The following RUVBL1 variants were observed in gnomAD, a reference collection of about 807,000 sequenced individuals.
The protein encoded by RUVBL1 is ruvB-like 1.
Under a neutral mutation model 52.4 loss-of-function variants are expected in RUVBL1, and 4 were observed. The observed-to-expected ratio is 0.08, with a 90% CI of 0.04 to 0.17. RUVBL1 has a LOEUF of 0.17. Among genes scored for constraint, RUVBL1 ranks in the 10% least tolerant of loss-of-function variants. The probability of loss-of-function intolerance (pLI) is 1.00; values close to 1 mark genes in which losing one functional copy is unlikely to be tolerated. For missense variants in RUVBL1, 298 were observed against 572.8 expected, an observed-to-expected ratio of 0.52 and a Z score of 4.90; for synonymous variants, 217 against 214.4, an observed-to-expected ratio of 1.01 and a Z score of -0.10.
At chr3:128,147,198 T>C (rs1944119058) in intron 1 of RUVBL1, among the ~76,000 whole-genome samples, 1 of 152,072 alleles carries the variant, frequency 6.6e-6, no homozygotes, top group Admixed American at 6.6e-5. Context: ...GCCTCTTGAG[T>C]AGCTGAGACC....
chr3:128,152,059 C>A (rs1944226578), intron 1 of RUVBL1, among the ~76,000 whole-genome samples: 1 of 152,202 alleles, frequency 6.6e-6, no homozygotes, highest in African/African-American at 2.4e-5. Flanking sequence ...TCTCCCAGGT[C>A]CCCACCACTC....
At chr3:128,105,493 TTGTC>T (rs1356390422) in intron 3 of RUVBL1, among the ~76,000 whole-genome samples, 3 of 152,166 alleles carry the variant, frequency 2.0e-5, no homozygotes, top group Non-Finnish European at 4.4e-5. Flanking sequence ...ATTCTTAAAA[TTGTC>T]TGCTTCATTT....
intron 6 of RUVBL1, 125 bp downstream of exon 6, chr3:128,100,470 C>T: frequency 8.7e-7 from 1 of 1,143,518 alleles, no homozygotes; most frequent in Non-Finnish European, 1.2e-6. Flanking sequence ...AATTGCTGAA[C>T]ATTACAGATA....
At chr3:128,086,112 T>G (rs1219822726) in intron 9 of RUVBL1, among the ~76,000 whole-genome samples, 1 of 152,092 alleles carries the variant, frequency 6.6e-6, no homozygotes, top group African/African-American at 2.4e-5. Flanking sequence ...TCCTCTCACC[T>G]CAGCCTCCCA....
chr3:128,088,222 A>G (rs1003994280), intron 8 of RUVBL1, among the ~76,000 whole-genome samples: 10 of 151,082 alleles, frequency 6.6e-5, no homozygotes, highest in South Asian at 4.2e-4. Context: ...AGAGTGTACC[A>G]CTGCACTCCA....
At chr3:128,098,993 C>T (rs1359063914) in intron 6 of RUVBL1, 48 bp from the exon 7 acceptor site, 5 of 1,498,506 alleles carry the variant, frequency 3.3e-6, no homozygotes, top group Non-Finnish European at 2.8e-6. Context: ...AAGGTGACTA[C>T]AGAAGCCTCA....
At chr3:128,094,153 G>A (rs1450614687) in intron 8 of RUVBL1, among the ~76,000 whole-genome samples, 1 of 152,196 alleles carries the variant, frequency 6.6e-6, no homozygotes, top group Non-Finnish European at 1.5e-5. Flanking sequence ...TGATGAGGAT[G>A]GTAAGATTCA....
chr3:128,098,238 CG>C (rs35800708), intron 7 of RUVBL1, among the ~76,000 whole-genome samples: 2 of 152,148 alleles, frequency 1.3e-5, no homozygotes, highest in East Asian at 3.9e-4. Context: ...AGGCAAGAGG[CG>C]GGGATTGTCC....
chr3:128,065,095 C>A, exon 10 of RUVBL1: 1 of 1,556,772 alleles, frequency 6.4e-7, no homozygotes, highest in Non-Finnish European at 8.9e-7. Flanking sequence ...TTTCAGAATG[C>A]CTTGTGTGCA....
chr3:128,153,841 C>A, exon 1 of RUVBL1: 1 of 1,492,970 alleles, frequency 6.7e-7, no homozygotes, highest in Non-Finnish European at 8.9e-7. Flanking sequence ...CGGGCCGGGG[C>A]GGGAGCCGGG....
chr3:128,081,512 G>A lies in RUVBL1; in HGVS notation c.1212-103C>T. 1 of 1,245,520 alleles carries A rather than the reference G, an allele frequency of 8.0e-7. No individual in the cohort carries two copies. Among genetic ancestry groups the A allele is most frequent in the Non-Finnish European group, 1.1e-6 (1 of 900,500 alleles). 77.2% of individuals were successfully genotyped at this position (1,245,520 alleles called of 1,614,324 possible). A position where few individuals can be genotyped will look rare whatever the true frequency, so the allele number is the denominator to read the frequency against. ...GCACTGGCACCAGGAGCAGAGCCCAGTGCTGGGCTTGTGCCAGCTGCTACG... is the reference window on the plus strand; with the variant it reads ...GCACTGGCACCAGGAGCAGAGCCCAATGCTGGGCTTGTGCCAGCTGCTACG... On this transcript the variant is annotated intron_variant, in intron 10 of 10. Coordinates refer to ENST00000322623, the MANE Select transcript of RUVBL1 (RefSeq NM_003707.3). This position sits in a 1 kb window ranked among gnomAD's most constrained non-coding sequence, Gnocchi z 4.8.
chr3:128,090,324 GA>G (rs1299872584), intron 8 of RUVBL1, among the ~76,000 whole-genome samples: 2 of 152,152 alleles, frequency 1.3e-5, no homozygotes, highest in African/African-American at 4.8e-5. Context: ...GAGGTCAGGA[GA>G]TTGAGACCAC....
chr3:128,072,560 CAT>C (rs1213868204), intron 9 of RUVBL1, among the ~76,000 whole-genome samples: 2 of 152,202 alleles, frequency 1.3e-5, no homozygotes, highest in Non-Finnish European at 2.9e-5. Context: ...TGCTAGGACA[CAT>C]GTGCAGCCAG....
chr3:128,150,730 ATATATATTCTATATTATATATTCTC>A (rs1944176317), intron 1 of RUVBL1, among the ~76,000 whole-genome samples: 6 of 117,408 alleles, frequency 5.1e-5, no homozygotes, highest in Admixed American at 1.1e-4. Context: ...TATATATTCT[ATATATATTCTATATTATATATTCTC>A]TATATATTCT....
chr3:128,073,772 C>T (rs9814694), intron 9 of RUVBL1, among the ~76,000 whole-genome samples: 34,414 of 152,208 alleles, frequency 0.23, 3,967 homozygotes, highest in South Asian at 0.27. Flanking sequence ...CTTGTTCCCT[C>T]TGCTGTCTGC....
rs543471214 is a variant in RUVBL1, at chr3:128,130,918, G to A, written c.-39-11504C>T. ...GCCCACCTCGGCCTCCCAAAGTGCT[G>A]GGATTACAGGCGTGAGCCACCCTGC... is the stretch of plus-strand genomic sequence containing the variant. On this transcript the variant is annotated intron_variant, in intron 1 of 9. Coordinates refer to the RUVBL1 transcript ENST00000464873. Among the ~76,000 whole-genome samples, 4 of 152,000 alleles carry A rather than the reference G, an allele frequency of 2.6e-5. No individual in the cohort carries two copies. The South Asian group carries it at 8.3e-4, about 32-fold the overall frequency.
chr3:128,110,210 C>T (rs893880254), intron 3 of RUVBL1, among the ~76,000 whole-genome samples: 1 of 152,134 alleles, frequency 6.6e-6, no homozygotes, highest in Non-Finnish European at 1.5e-5. Context: ...CTCTTGAGCC[C>T]AAGGAGTTGA....
intron 4 of RUVBL1, 143 bp from the exon 5 acceptor site, chr3:128,101,791 C>T: frequency 1.3e-6 from 1 of 755,672 alleles, no homozygotes; most frequent in Non-Finnish European, 2.3e-6. Flanking sequence ...AATACTGGGA[C>T]CTGCAGGAGT....
At chr3:128,126,837 C>T (rs971637601), upstream of RUVBL1, among the ~76,000 whole-genome samples, 13 of 152,224 alleles carry the variant, frequency 8.5e-5, no homozygotes, top group Admixed American at 2.0e-4. Context: ...CCCACTTCTG[C>T]GCACCACCAC....
Sources: gnomAD v4.1 joint callset for allele counts (sites outside exome capture counted in the v4.1 genomes callset) on GRCh38, gnomAD v4.1.1 for gene constraint, Gnocchi (gnomAD v3.1) non-coding constraint, MANE v1.5 for transcripts, NCBI Gene and HGNC (gene_info 2026-07-23, HGNC 2026-07-21) for gene names.